Variants in BOC observed in about 807,000 individuals in gnomAD.
BOC encodes the protein BOC cell adhesion associated, oncogene regulated, also known as brother of CDO.
BOC carries 76 observed loss-of-function variants against 112.0 expected under a neutral mutation model. The ratio of observed to expected loss-of-function variants is 0.68; its 90% CI spans 0.56 to 0.82. The LOEUF (loss-of-function observed/expected upper bound fraction) is 0.82. Among genes scored for constraint, BOC ranks in the 40% least tolerant of loss-of-function variants. The pLI is 0.00. For synonymous variants in BOC, 580 were observed against 599.8 expected, an observed-to-expected ratio of 0.97 and a Z score of 0.48; for missense variants, 1,309 against 1,511.7, an observed-to-expected ratio of 0.87 and a Z score of 2.22.
chr3:113,286,895 TG>T lies in BOC; in HGVS notation c.*34del, dbSNP rs2107776958. ...CTGATATCCCAGAAAGACTATATAT[TG>T]TTTTTTTTTTAAAAAAAAAAAGAAG... On this transcript the variant is annotated 3_prime_UTR_variant, in exon 20 of 20. Transcript: ENST00000682979. 3.4e-6 allele frequency: 5 copies of T among 1,484,454 alleles called. No individual in the cohort carries two copies. The highest frequency in any genetic ancestry group is 4.9e-5 in the East Asian group (2 of 40,720). The allele number at this position is 1,484,454 out of a possible 1,614,324, so 92.0% of individuals were successfully genotyped here.
In BOC at chr3:113,286,770, G is replaced by C. The variant is rs775507105; in HGVS notation, c.3256G>C (p.Val1086Leu). 54 of 1,613,676 alleles carry C rather than the reference G, an allele frequency of 3.3e-5. No individual in the cohort carries two copies. Among genetic ancestry groups the C allele is most frequent in the Non-Finnish European group, 4.2e-5 (49 of 1,179,820 alleles). The change falls in exon 20 of 20, where the codon GTA (valine) becomes CTA (leucine). Residue 1086 changes from valine (V) to leucine (L), a missense_variant. Physicochemically the swap from Val to Leu is conservative, Grantham distance 32. Transcript: ENST00000682979. ...AGGAGACTGGTGTCCCCAGCACCCC[G>C]TAGGGGCCTACGTAGGACAGGAACC... Reference protein sequence around the residue: ...SGGDWCPQHPVGAYVGQEPGM... With the variant: ...SGGDWCPQHPLGAYVGQEPGM...
chr3:113,232,769 A>G (rs1226162142), intron 2 of BOC, among the ~76,000 whole-genome samples: 18 of 152,218 alleles, frequency 1.2e-4, no homozygotes, highest in Non-Finnish European at 1.0e-4. Context: ...AAATATTCCT[A>G]AAAGTAACCC....
rs886718417 is a variant in BOC, at chr3:113,239,035, C to T, written c.-81-10687C>T. 7.2e-5 allele frequency among the ~76,000 whole-genome samples: 11 copies of T among 152,130 alleles called. No individual in the cohort carries two copies. The East Asian group carries it at 7.7e-4, about 11-fold the overall frequency. The stretch of plus-strand genomic sequence containing the variant: ...CACTAGCCCATGTGGCTGTTAAGCA[C>T]GTGAAATGTGGCTAGTCTAAATTGA... On this transcript the variant is annotated intron_variant, in intron 2 of 19. Coordinates refer to ENST00000682979, the MANE Select transcript of BOC (RefSeq NM_001378074.1).
At chr3:113,285,606 G>A (rs1199146258) in intron 19 of BOC, 41 bp downstream of exon 19, 2 of 1,503,104 alleles carry the variant, frequency 1.3e-6, no homozygotes, top group African/African-American at 1.4e-5. Flanking sequence ...AACAGGCTGG[G>A]GGTGACATGA....
At chr3:113,285,086 C>T (rs921809050) in intron 18 of BOC, among the ~76,000 whole-genome samples, 6 of 152,264 alleles carry the variant, frequency 3.9e-5, no homozygotes, top group Non-Finnish European at 8.8e-5. Context: ...CGGAATCCTC[C>T]GTCACTAGAC....
intron 4 of BOC, among the ~76,000 whole-genome samples, chr3:113,254,781 G>T (rs1445481368): frequency 6.6e-6 from 1 of 152,192 alleles, no homozygotes; most frequent in Non-Finnish European, 1.5e-5. Flanking sequence ...CCTTTAGAAG[G>T]GTCATGGGGC....
chr3:113,268,273 A>T, intron 4 of BOC, 26 bp from the exon 5 acceptor site: 1 of 1,613,574 alleles, frequency 6.2e-7, no homozygotes, highest in Non-Finnish European at 8.5e-7. Flanking sequence ...CTGTCCTCCA[A>T]CCAGCACCTT....
At chr3:113,285,350 C>T (rs768036735) in intron 18 of BOC, 22 bp from the exon 19 acceptor site, 6 of 1,611,108 alleles carry the variant, frequency 3.7e-6, no homozygotes, top group Non-Finnish European at 5.1e-6. Context: ...CCCACCTCCC[C>T]ATCTGGGCTT....
At chr3:113,262,809 T>C (rs1412509222) in intron 4 of BOC, among the ~76,000 whole-genome samples, 1 of 152,226 alleles carries the variant, frequency 6.6e-6, no homozygotes, top group Non-Finnish European at 1.5e-5. Context: ...GTGTTGGGAC[T>C]TTTTGTCCAT....
At chr3:113,213,427 G>A (rs1938655198) in intron 1 of BOC, among the ~76,000 whole-genome samples, 1 of 152,176 alleles carries the variant, frequency 6.6e-6, no homozygotes, top group Non-Finnish European at 1.5e-5. Context: ...CCACGACTGG[G>A]TCTTAAACAG....
rs768283886 is a variant in BOC, at chr3:113,281,120, G to A, written c.2401G>A (p.Glu801Lys). ...GTGCTTCAATGAAGGAGGGGAGAGC[G>A]AGTTCAGCAACGTGATGATCTGTGA... ...MQCFNEGGESEFSNVMICETK... is the reference protein window; with the variant it reads ...MQCFNEGGESKFSNVMICETK... Residue 801 changes from glutamate (E) to lysine (K), a missense_variant, in exon 15 of 20, where the codon GAG (glutamate) becomes AAG (lysine). Glu to Lys is a moderately conservative substitution (Grantham distance 56, BLOSUM62 1). Coordinates refer to ENST00000682979, the MANE Select transcript of BOC (RefSeq NM_001378074.1). 12 of 1,614,052 alleles carry A rather than the reference G, an allele frequency of 7.4e-6. No individual in the cohort carries two copies. Among genetic ancestry groups the A allele is most frequent in the South Asian group, 3.3e-5 (3 of 91,046 alleles).
At chr3:113,254,221 T>G (rs12485329) in intron 4 of BOC, among the ~76,000 whole-genome samples, 1 of 152,102 alleles carries the variant, frequency 6.6e-6, no homozygotes, top group South Asian at 2.1e-4. Flanking sequence ...CTGGGCTTAT[T>G]TGAAAGCCAA....
chr3:113,251,869 G>T (rs1945684963), intron 4 of BOC: 1 of 152,194 alleles, frequency 6.6e-6, no homozygotes, highest in Admixed American at 6.5e-5. Flanking sequence ...TAAAGGCCAA[G>T]TGACTTGACA....
At position 113,284,859 on chromosome 3, in the gene BOC, G is replaced by T; in HGVS notation, c.2966+1G>T. The T allele has an allele frequency of 4.3e-6, 7 of 1,613,988 alleles. No individual in the cohort carries two copies. Among genetic ancestry groups the T allele is most frequent in the Non-Finnish European group, 5.9e-6 (7 of 1,179,858 alleles). On this transcript the variant is annotated splice_donor_variant, in intron 18 of 19. Transcript: ENST00000682979. LOFTEE classifies it high-confidence loss of function. The stretch of plus-strand genomic sequence containing the variant: ...ACCCCCAAAGTCACCAGATCACGAG[G>T]TAACCAGGCCTCTCCCCTTTCACTC...
At chr3:113,248,100 T>G (rs1040833880) in intron 2 of BOC, among the ~76,000 whole-genome samples, 1 of 152,148 alleles carries the variant, frequency 6.6e-6, no homozygotes, top group African/African-American at 2.4e-5. Context: ...CACAGAATGC[T>G]AGGGGCTGGG....
At position 113,273,225 on chromosome 3, in the gene BOC, G is replaced by A. The variant is rs541680773; in HGVS notation, c.1118G>A (p.Arg373His). 3.1e-5 allele frequency: 50 copies of A among 1,613,564 alleles called. No homozygotes were observed. The highest frequency in any genetic ancestry group is 5.3e-5 in the African/African-American group (4 of 75,044). The change falls in exon 8 of 20, where the codon CGC becomes CAC. Residue 373 changes from arginine (R) to histidine (H), a missense_variant. Physicochemically the swap from Arg to His is conservative, Grantham distance 29. Transcript: ENST00000682979. ...LISSQRLRLS[R>H]RALRVLSMGP... Reference sequence around the variant, plus strand: ...TCCAGCCAGCGCCTCCGGCTCTCCCGCAGGGCCCTGCGCGTGCTCAGCATG... The same window carrying A: ...TCCAGCCAGCGCCTCCGGCTCTCCCACAGGGCCCTGCGCGTGCTCAGCATG...
Position 113,287,318 on chromosome 3 carries a change from C to G in BOC, c.*456C>G, listed in dbSNP as rs765821300. 1 of 303,014 alleles carries G rather than the reference C, an allele frequency of 3.3e-6. No individual in the cohort carries two copies. Among genetic ancestry groups the G allele is most frequent in the Non-Finnish European group, 6.5e-6 (1 of 153,168 alleles). 18.8% of individuals were successfully genotyped at this position (303,014 alleles called of 1,614,324 possible). A position where few individuals can be genotyped will look rare whatever the true frequency, so the allele number is the denominator to read the frequency against. On this transcript the variant is annotated 3_prime_UTR_variant, in exon 20 of 20. Transcript: ENST00000682979. ...CTACGGGAAACATTTTCCTAAGATG[C>G]CCATGAGAACAGACCAAGATGTGTA...
chr3:113,268,362 T>C lies in BOC; in HGVS notation c.440T>C (p.Val147Ala). The change falls in exon 5 of 20, where the codon GTC becomes GCC. Residue 147 changes from valine to alanine, a missense_variant. Val to Ala is a moderately conservative substitution (Grantham distance 64). Transcript: ENST00000682979. ...GAAGTGGATGAGGGAAACACAGCAG[T>C]CATTGCCTGCCACCTGCCTGAGAGC... ...VIEVDEGNTAVIACHLPESHP... is the reference protein window; with the variant it reads ...VIEVDEGNTAAIACHLPESHP... 6.2e-7 allele frequency: 1 copy of C among 1,614,100 alleles called. No homozygotes were observed. The highest frequency in any genetic ancestry group is 8.5e-7 in the Non-Finnish European group (1 of 1,179,990).
intron 2 of BOC, among the ~76,000 whole-genome samples, chr3:113,234,476 A>G (rs1449513653): frequency 6.6e-6 from 1 of 152,146 alleles, no homozygotes; most frequent in Non-Finnish European, 1.5e-5. Flanking sequence ...AATAAAATCC[A>G]CAGTTTATCT....
Sources: allele counts gnomAD v4.1 joint callset (sites outside exome capture counted in the v4.1 genomes callset), GRCh38; gene constraint gnomAD v4.1.1; transcripts MANE v1.5; gene names NCBI Gene and HGNC (gene_info 2026-07-23, HGNC 2026-07-21).